The following SV2B variants were observed in gnomAD, a reference collection of about 807,000 sequenced individuals.
SV2B encodes the protein solute carrier family 22 member B2.
A neutral mutation model predicts 73.9 loss-of-function variants in SV2B; 41 were observed. That is an observed-to-expected ratio of 0.56 (90% CI 0.43 to 0.72). The LOEUF is 0.72. SV2B is among the 30% of genes least tolerant of loss of function. The pLI, the probability that SV2B is intolerant of heterozygous loss-of-function variation, is 0.00. For synonymous variants in SV2B, 314 were observed against 314.2 expected (o/e 1.00, Z 0.01); for missense variants, 764 against 857.8 (o/e 0.89, Z 1.37).
In SV2B at chr15:91,258,879, AG is replaced by A. The variant is rs1216373917; in HGVS notation, c.918+327del. On this transcript the variant is annotated intron_variant, in intron 5 of 12. Transcript: ENST00000394232. The surrounding 1 kb of genome is among the most constrained non-coding windows in gnomAD (Gnocchi z 4.7). ...CCCACTGTCCCCCGAGGTCCTGATT[AG>A]GAAGTTTTTTAGCCTGGGCTACACA... is the stretch of plus-strand genomic sequence containing the variant. Among the ~76,000 whole-genome samples the A allele has an allele frequency of 1.2e-4, 18 of 150,324 alleles. 1 individual carries two copies. Among genetic ancestry groups the A allele is most frequent in the Non-Finnish European group, 1.3e-4 (9 of 67,658 alleles).
Position 91,289,551 on chromosome 15 carries a change from GCTT to G in SV2B, c.1744_1746del (p.Phe582del). ...TCCATGCTAATCTCTGCAGTCTGCT[GCTT>G]CTTCCTGTTTTTTGGCAACAGTGAG... On this transcript the variant is annotated inframe_deletion, in exon 12 of 13. Transcript: ENST00000394232. This position sits in a 1 kb window ranked among gnomAD's most constrained non-coding sequence, Gnocchi z 4.9. 6.2e-7 allele frequency: 1 copy of G among 1,614,254 alleles called. No homozygotes were observed. The highest frequency in any genetic ancestry group is 8.5e-7 in the Non-Finnish European group (1 of 1,180,052).
rs2042851632 is a variant in SV2B, at chr15:91,137,058, T to C, written c.-392+36695T>C. On this transcript the variant is annotated intron_variant, in intron 1 of 12. Transcript: ENST00000394232. This position sits in a 1 kb window ranked among gnomAD's most constrained non-coding sequence, Gnocchi z 4.9. ...AGGGAAGAGTATGAATGATGCAACTTGTAAACCAGTTATTGGGGTGACTCG... is the reference window on the plus strand; with the variant it reads ...AGGGAAGAGTATGAATGATGCAACTCGTAAACCAGTTATTGGGGTGACTCG... Among the ~76,000 whole-genome samples, 3 of 152,162 alleles carry C rather than the reference T, an allele frequency of 2.0e-5. No individual in the cohort carries two copies. Among genetic ancestry groups the C allele is most frequent in the African/African-American group, 7.2e-5 (3 of 41,436 alleles).
rs773345355 is a variant in SV2B at position 91,226,782 on chromosome 15, T to C, written c.451+68T>C. The C allele has an allele frequency of 4.9e-5, 75 of 1,530,640 alleles. No individual in the cohort carries two copies. In the Middle Eastern group the frequency reaches 5.5e-3, roughly 111 times the overall value. The allele number at this position is 1,530,640 out of a possible 1,614,324, so 94.8% of individuals were successfully genotyped here. A position where few individuals can be genotyped will look rare whatever the true frequency, so the allele number is the denominator to read the frequency against. Reference sequence around the variant, plus strand: ...AGAAGTAAAATTTATCTAGTATCTGTCACTATTAGGCACTTTAAATATATC... The same window carrying C: ...AGAAGTAAAATTTATCTAGTATCTGCCACTATTAGGCACTTTAAATATATC... On this transcript the variant is annotated intron_variant, in intron 2 of 12. Coordinates refer to ENST00000394232, the MANE Select transcript of SV2B (RefSeq NM_001323032.3).
In SV2B at chr15:91,252,769, T is replaced by C. The variant is rs902639145; in HGVS notation, c.784+249T>C. Among the ~76,000 whole-genome samples, 3 of 152,082 alleles carry C rather than the reference T, an allele frequency of 2.0e-5. No homozygotes were observed. Among genetic ancestry groups the C allele is most frequent in the African/African-American group, 7.2e-5 (3 of 41,402 alleles). The stretch of plus-strand genomic sequence containing the variant: ...CTTCCTTCATTCTTCCCTTTCTCCT[T>C]CCCTCTCTCCCTTTCTTGTTTCCTT... On this transcript the variant is annotated intron_variant, in intron 4 of 12. Transcript: ENST00000394232. This position sits in a 1 kb window ranked among gnomAD's most constrained non-coding sequence, Gnocchi z 4.6.
chr15:91,189,709 C>T (rs1218973660), intron 1 of SV2B, among the ~76,000 whole-genome samples: 1 of 152,170 alleles, frequency 6.6e-6, no homozygotes, highest in Non-Finnish European at 1.5e-5. Flanking sequence ...AAAATTCCAG[C>T]CGGGCGCGGT....
intron 1 of SV2B, among the ~76,000 whole-genome samples, chr15:91,212,126 G>A (rs1002751376): frequency 6.6e-6 from 1 of 152,210 alleles, no homozygotes; most frequent in African/African-American, 2.4e-5. Context: ...CCTATGTTGT[G>A]TGCCATGAGC....
intron 1 of SV2B, among the ~76,000 whole-genome samples, chr15:91,150,299 G>A (rs1044456010): frequency 3.3e-5 from 5 of 152,058 alleles, no homozygotes; most frequent in Admixed American, 2.6e-4. Context: ...GAGCCACCAC[G>A]CCCGGCTTCT....
chr15:91,252,390 T>C lies in SV2B; in HGVS notation c.654T>C (p.Ile218=). ...SGIGIGGALP[I]VFAYFSEFLS... ...GCAGTATTGGGGGTGCTCTACCGAT[T>C]GTTTTTGCCTATTTTTCTGAATTCT... Residue 218 remains isoleucine, a synonymous_variant, in exon 4 of 13, where the codon ATT becomes ATC. Coordinates refer to ENST00000394232, the MANE Select transcript of SV2B (RefSeq NM_001323032.3). The surrounding 1 kb of genome is among the most constrained non-coding windows in gnomAD (Gnocchi z 4.6). 1 of 1,612,942 alleles carries C rather than the reference T, an allele frequency of 6.2e-7. No individual in the cohort carries two copies. Among genetic ancestry groups the C allele is most frequent in the South Asian group, 1.1e-5 (1 of 90,802 alleles).
chr15:91,177,155 TC>T (rs1360785770), intron 1 of SV2B, among the ~76,000 whole-genome samples: 1 of 151,840 alleles, frequency 6.6e-6, no homozygotes, highest in Non-Finnish European at 1.5e-5. Flanking sequence ...GGGAATCCTT[TC>T]CCCATTGCTT....
At position 91,281,957 on chromosome 15, in the gene SV2B, G is replaced by A. The variant is rs150790232; in HGVS notation, c.1507+96G>A. The A allele has an allele frequency of 2.9e-6, 4 of 1,372,352 alleles. No individual in the cohort carries two copies. In the East Asian group the frequency reaches 9.6e-5, roughly 33 times the overall value. The allele number at this position is 1,372,352 out of a possible 1,614,324, so 85.0% of individuals were successfully genotyped here. The stretch of plus-strand genomic sequence containing the variant: ...GGTCAGGCATAAACTTTAGGAGTAG[G>A]AAAGTATTCGTAGATACAAATGCCA... On this transcript the variant is annotated intron_variant, in intron 10 of 12. Coordinates refer to ENST00000394232, the MANE Select transcript of SV2B (RefSeq NM_001323032.3). This position sits in a 1 kb window ranked among gnomAD's most constrained non-coding sequence, Gnocchi z 4.7.
intron 2 of SV2B, among the ~76,000 whole-genome samples, chr15:91,249,821 T>C (rs761065856): frequency 1.3e-5 from 2 of 152,120 alleles, no homozygotes; most frequent in Non-Finnish European, 2.9e-5. Context: ...TATGAAGAAA[T>C]AGAAAATCTT....
rs1331361566 is a variant in SV2B at position 91,106,663 on chromosome 15, C to T, written c.-392+6300C>T. Among the ~76,000 whole-genome samples, 1 of 152,116 alleles carries T rather than the reference C, an allele frequency of 6.6e-6. No homozygotes were observed. The highest frequency in any genetic ancestry group is 1.5e-5 in the Non-Finnish European group (1 of 68,022). ...GGAACAAGTGGAAACCAAAAAATAG[C>T]TCATATTTTCAAAAAATGAGAAAAG... On this transcript the variant is annotated intron_variant, in intron 1 of 12. Transcript: ENST00000394232. This position sits in a 1 kb window ranked among gnomAD's most constrained non-coding sequence, Gnocchi z 4.4.
chr15:91,249,004 A>C (rs1291132723), intron 2 of SV2B, among the ~76,000 whole-genome samples: 1 of 151,966 alleles, frequency 6.6e-6, no homozygotes, highest in Non-Finnish European at 1.5e-5. Flanking sequence ...GCCCATACAC[A>C]TACATGCAAA....
At chr15:91,107,838 T>G (rs1390773855) in intron 1 of SV2B, among the ~76,000 whole-genome samples, 3 of 152,196 alleles carry the variant, frequency 2.0e-5, no homozygotes, top group African/African-American at 4.8e-5. Flanking sequence ...CTTGAACTCA[T>G]GGGCTCAAGT....
chr15:91,225,128 G>C (rs370618514), intron 1 of SV2B, among the ~76,000 whole-genome samples: 2 of 152,322 alleles, frequency 1.3e-5, no homozygotes, highest in African/African-American at 2.4e-5. Context: ...GGCTTGGAAA[G>C]ATGCGTGTAT....
rs767336608 is a variant in SV2B at position 91,292,339 on chromosome 15, G to T, written c.1869-30G>T. The T allele has an allele frequency of 1.9e-6, 3 of 1,604,406 alleles. No individual in the cohort carries two copies. In the East Asian group the frequency reaches 6.7e-5, roughly 36 times the overall value. ...CTGTTCATCTAATGTGGTTCAGAAT[G>T]TCAGAATTATTTCCATTCCTCTTTT... On this transcript the variant is annotated intron_variant, in intron 12 of 12. Coordinates refer to ENST00000394232, the MANE Select transcript of SV2B (RefSeq NM_001323032.3).
chr15:91,278,110 C>T (rs1405807190), intron 9 of SV2B, among the ~76,000 whole-genome samples: 1 of 152,140 alleles, frequency 6.6e-6, no homozygotes, highest in African/African-American at 2.4e-5. Flanking sequence ...GATAATATTT[C>T]AGTATTTGAG....
At chr15:91,192,846 C>T (rs1460572644) in intron 1 of SV2B, among the ~76,000 whole-genome samples, 1 of 152,168 alleles carries the variant, frequency 6.6e-6, no homozygotes, top group Non-Finnish European at 1.5e-5. Context: ...TAGCTTGAAA[C>T]CAAGCTGTGC....
intron 1 of SV2B, among the ~76,000 whole-genome samples, chr15:91,183,906 G>A (rs1464830234): frequency 3.3e-5 from 5 of 152,014 alleles, no homozygotes; most frequent in South Asian, 4.1e-4. Flanking sequence ...TCATCTGCTC[G>A]TCGTTTCTAC....
Sources: gnomAD v4.1 joint callset for allele counts (sites outside exome capture counted in the v4.1 genomes callset) on GRCh38, gnomAD v4.1.1 for gene constraint, Gnocchi (gnomAD v3.1) non-coding constraint, MANE v1.5 for transcripts, NCBI Gene and HGNC (gene_info 2026-07-23, HGNC 2026-07-21) for gene names.